METTL6: variants seen among roughly 807,000 people sequenced by gnomAD.
METTL6 encodes methyltransferase 6, tRNA N3-cytidine.
METTL6 carries 22 observed loss-of-function variants against 26.4 expected under a neutral mutation model. That is an observed-to-expected ratio of 0.83 (90% CI 0.59 to 1.19). The LOEUF (loss-of-function observed/expected upper bound fraction) is 1.19, where lower values mean the gene tolerates loss of function less well. Among genes scored for constraint, METTL6 ranks in the 50% most tolerant of loss-of-function variants. METTL6 has a pLI of 0.00. For synonymous variants in METTL6, 109 were observed against 116.2 expected (o/e 0.94, Z 0.40); for missense variants, 304 against 324.8 (o/e 0.94, Z 0.49).
rs908513070 is a variant in METTL6 at position 15,409,887 on chromosome 3, T to C, written c.*1369A>G. 1.3e-5 allele frequency among the ~76,000 whole-genome samples: 2 copies of C among 152,110 alleles called. No individual in the cohort carries two copies. The highest frequency in any genetic ancestry group is 1.5e-5 in the Non-Finnish European group (1 of 68,022). On this transcript the variant is annotated 3_prime_UTR_variant, in exon 6 of 6. Transcript: ENST00000383790. ...CTCGAAAAAGAAGAAAACAGAACAC[T>C]CCTTTAGGCTAGAAATATATATGAG...
intron 3 of METTL6, among the ~76,000 whole-genome samples, chr3:15,421,892 A>G (rs972112403): frequency 6.6e-6 from 1 of 152,222 alleles, no homozygotes; most frequent in Non-Finnish European, 1.5e-5. Flanking sequence ...AGCCTGGGCA[A>G]TAAGAGTGAA....
intron 6 of METTL6, among the ~76,000 whole-genome samples, chr3:15,389,644 G>A (rs1246710589): frequency 6.6e-6 from 1 of 152,072 alleles, no homozygotes; most frequent in Non-Finnish European, 1.5e-5. Flanking sequence ...CCACCTCCTG[G>A]GTTCAAGAGA....
chr3:15,411,556 A>G (rs922587105), intron 5 of METTL6, 119 bp from the exon 6 acceptor site: 1 of 989,098 alleles, frequency 1.0e-6, no homozygotes, highest in African/African-American at 1.7e-5. Context: ...GAAAACCTCA[A>G]TGCTAAAATT....
chr3:15,406,615 TATATATATATATATAGAGAGAGAGAG>T (rs1175525051), downstream of METTL6, among the ~76,000 whole-genome samples: 9 of 54,662 alleles, frequency 1.6e-4, no homozygotes, highest in African/African-American at 6.3e-4. Context: ...TATATATATA[TATATATATATATATAGAGAGAGAGAG>T]AGAGAGAGAG....
intron 3 of METTL6, among the ~76,000 whole-genome samples, chr3:15,418,335 C>T (rs1427624342): frequency 1.3e-5 from 2 of 152,082 alleles, no homozygotes; most frequent in Non-Finnish European, 2.9e-5. Flanking sequence ...TACATAATTT[C>T]AGGGATGGAA....
Position 15,396,654 on chromosome 3 carries a change from A to C in METTL6, c.*12-12467T>G, listed in dbSNP as rs1250501632. On this transcript the variant is annotated intron_variant, in intron 6 of 6. Transcript: ENST00000443029. ...CTTTGGTCTTTGATGATGGTGATGT[A>C]CAGATGGGGTTTTGGTGTGGATGTC... Among the ~76,000 whole-genome samples, 4 of 152,132 alleles carry C rather than the reference A, an allele frequency of 2.6e-5. No homozygotes were observed. In the East Asian group the frequency reaches 7.7e-4, roughly 29 times the overall value.
At chr3:15,382,126 CTGCAACCTTGAAT>C (rs1412098938) in exon 7 of METTL6, 3 of 151,438 alleles carry the variant, frequency 2.0e-5, no homozygotes, top group Non-Finnish European at 4.4e-5. Context: ...TCATGGCTCA[CTGCAACCTTGAAT>C]TCCTGGCCTC....
Position 15,411,092 on chromosome 3 carries a change from A to G in METTL6, c.*164T>C. On this transcript the variant is annotated 3_prime_UTR_variant, in exon 6 of 6. Transcript: ENST00000383790. ...GTATTTTTAGTAGAGATGGGGTCTC[A>G]CCATGTTGGCCAGGCTGGTCTCAAA... is the stretch of plus-strand genomic sequence containing the variant. 1.5e-6 allele frequency: 1 copy of G among 676,266 alleles called. No homozygotes were observed. The highest frequency in any genetic ancestry group is 2.4e-6 in the Non-Finnish European group (1 of 419,308). The allele number at this position is 676,266 out of a possible 1,614,324, so 41.9% of individuals were successfully genotyped here.
chr3:15,417,341 G>A (rs2125003261), intron 3 of METTL6, among the ~76,000 whole-genome samples: 1 of 152,166 alleles, frequency 6.6e-6, no homozygotes, highest in African/African-American at 2.4e-5. Context: ...TGTAGTCCCA[G>A]TTACTGGGAA....
downstream of METTL6, among the ~76,000 whole-genome samples, chr3:15,407,045 C>T (rs1699822529): frequency 6.6e-6 from 1 of 152,086 alleles, no homozygotes; most frequent in African/African-American, 2.4e-5. Context: ...GAGACAGACT[C>T]TTACTCTGTC....
rs188439360 is a variant in METTL6 at position 15,423,062 on chromosome 3, A to T, written c.360+1893T>A. Among the ~76,000 whole-genome samples the T allele has an allele frequency of 5.8e-4, 88 of 152,342 alleles. 1 individual carries two copies. The highest frequency in any genetic ancestry group is 5.7e-3 in the Admixed American group (88 of 15,306). On this transcript the variant is annotated intron_variant, in intron 3 of 5. Coordinates refer to ENST00000383790, the MANE Select transcript of METTL6 (RefSeq NM_152396.4). ...ATCTGTCATCAATGTGGAAAGAGGTATGGGGTAGGGCAAGGGTATTTTAGG... is the reference window on the plus strand; with the variant it reads ...ATCTGTCATCAATGTGGAAAGAGGTTTGGGGTAGGGCAAGGGTATTTTAGG...
chr3:15,400,707 C>A (rs1248766946), intron 6 of METTL6, among the ~76,000 whole-genome samples: 1 of 152,076 alleles, frequency 6.6e-6, no homozygotes, highest in African/African-American at 2.4e-5. Context: ...AGGGTCATTA[C>A]AGAAAACATG....
chr3:15,427,273 G>A (rs937555667), intron 1 of METTL6, 129 bp downstream of exon 1: 2 of 173,594 alleles, frequency 1.2e-5, no homozygotes, highest in South Asian at 2.0e-4. Flanking sequence ...TAGGCTGCAT[G>A]GGCCCCTAGA....
intron 1 of METTL6, 154 bp downstream of exon 1, chr3:15,427,248 A>T (rs1356804220): frequency 6.2e-6 from 1 of 160,312 alleles, no homozygotes; most frequent in Admixed American, 5.9e-5. Context: ...CCATCTCAGG[A>T]CCCTCAGGAT....
chr3:15,425,788 C>T (rs1355614984), intron 2 of METTL6, among the ~76,000 whole-genome samples: 1 of 152,252 alleles, frequency 6.6e-6, no homozygotes, highest in East Asian at 1.9e-4. Flanking sequence ...CACTAAAGTT[C>T]TCTCTCCTAT....
intron 3 of METTL6, among the ~76,000 whole-genome samples, chr3:15,416,537 G>A (rs1253724904): frequency 6.6e-6 from 1 of 152,196 alleles, no homozygotes; most frequent in Non-Finnish European, 1.5e-5. Flanking sequence ...TTACAGGCAT[G>A]AGCCACTATG....
At chr3:15,389,534 A>G (rs1369268432) in intron 6 of METTL6, among the ~76,000 whole-genome samples, 1 of 152,084 alleles carries the variant, frequency 6.6e-6, no homozygotes, top group Non-Finnish European at 1.5e-5. Context: ...GTACTCCTCC[A>G]GAATTTATTT....
At chr3:15,414,887 A>G in intron 4 of METTL6, 1 of 949,818 alleles carries the variant, frequency 1.1e-6, no homozygotes, top group South Asian at 1.5e-5. Context: ...ATGCCACTGC[A>G]CTCCAGCCTG....
chr3:15,415,831 A>G lies in METTL6; in HGVS notation c.472T>C (p.Phe158Leu). 6.2e-7 allele frequency: 1 copy of G among 1,614,218 alleles called. No homozygotes were observed. Among genetic ancestry groups the G allele is most frequent in the South Asian group, 1.1e-5 (1 of 91,088 alleles). Residue 158 changes from phenylalanine (F) to leucine (L), a missense_variant, in exon 4 of 6, where the codon TTT (phenylalanine) becomes CTT (leucine). Coordinates refer to ENST00000383790, the MANE Select transcript of METTL6 (RefSeq NM_152396.4). ...TCAGGATGAACAGCTGACAGCACAAATATCAACATAACAACATCCACAGAC... is the reference window on the plus strand; with the variant it reads ...TCAGGATGAACAGCTGACAGCACAAGTATCAACATAACAACATCCACAGAC... ...PESVDVVMLI[F>L]VLSAVHPDKM...
Sources: gnomAD v4.1 joint callset for allele counts (sites outside exome capture counted in the v4.1 genomes callset) on GRCh38, gnomAD v4.1.1 for gene constraint, MANE v1.5 for transcripts, NCBI Gene and HGNC (gene_info 2026-07-23, HGNC 2026-07-21) for gene names.